ABLIM1: variants seen among roughly 807,000 people sequenced by gnomAD.
The protein encoded by ABLIM1 is actin-binding LIM protein 1.
ABLIM1 carries 40 observed loss-of-function variants against 107.0 expected under a neutral mutation model. The observed-to-expected ratio is 0.37, with a 90% CI of 0.29 to 0.49. The LOEUF (loss-of-function observed/expected upper bound fraction) is 0.49, where lower values mean the gene tolerates loss of function less well. Ranked by LOEUF, ABLIM1 falls within the 20% of genes least tolerant of loss-of-function variation. ABLIM1 has a pLI of 0.97. For synonymous variants in ABLIM1, 357 were observed against 357.3 expected (o/e 1.00, Z 0.01); for missense variants, 857 against 1,008.5 (o/e 0.85, Z 2.04).
At position 114,718,130 on chromosome 10, in the gene ABLIM1, AAAAG is replaced by A. The variant is rs766961293; in HGVS notation, c.-213+49927_-213+49930del. Among the ~76,000 whole-genome samples the A allele has an allele frequency of 7.6e-4, 94 of 124,418 alleles. 3 individuals carry two copies. Among genetic ancestry groups the A allele is most frequent in the African/African-American group, 1.9e-3 (72 of 38,308 alleles). The allele number at this position is 124,418 out of a possible 152,430, so 81.6% of individuals were successfully genotyped here. ...GAAAAAGAAAGAAAGAAAAAGAAAG[AAAAG>A]AAAGAAAGAAAGAGAAAAAAAGAAA... On this transcript the variant is annotated intron_variant, in intron 1 of 15. Coordinates refer to the ABLIM1 transcript ENST00000651092.
At position 114,447,950 on chromosome 10, in the gene ABLIM1, T is replaced by G; in HGVS notation, c.1665A>C (p.Ala555=). The change falls in exon 15 of 23, where the codon GCA becomes GCC. Residue 555 remains alanine (A), a synonymous_variant. Coordinates refer to ENST00000533213, the MANE Select transcript of ABLIM1 (RefSeq NM_002313.7). The part of the protein sequence containing the change: ...IKFSKFPAAQ[A]PDPSETPKIE... ...TCTTTGGTGTCTCGCTGGGGTCTGGTGCCTGGGCTGCTGGGAACTTGGAAA... is the reference window on the plus strand; with the variant it reads ...TCTTTGGTGTCTCGCTGGGGTCTGGGGCCTGGGCTGCTGGGAACTTGGAAA... 1 of 1,614,128 alleles carries G rather than the reference T, an allele frequency of 6.2e-7. No individual in the cohort carries two copies.
At chr10:114,732,624 G>A (rs1201414040) in intron 1 of ABLIM1, among the ~76,000 whole-genome samples, 12 of 151,856 alleles carry the variant, frequency 7.9e-5, no homozygotes, top group Admixed American at 5.2e-4. Context: ...CTAAGAAATC[G>A]TTGCCTAGTC....
chr10:114,743,832 T>C (rs1427871947), intron 1 of ABLIM1, among the ~76,000 whole-genome samples: 3 of 151,964 alleles, frequency 2.0e-5, no homozygotes, highest in African/African-American at 7.3e-5. Flanking sequence ...ATGAACAAGG[T>C]CTAACCTTCA....
At chr10:114,491,547 T>C (rs527615871) in intron 7 of ABLIM1, among the ~76,000 whole-genome samples, 1 of 152,316 alleles carries the variant, frequency 6.6e-6, no homozygotes, top group East Asian at 1.9e-4. Context: ...TCGAGTTCCA[T>C]TCATTTGATT....
intron 3 of ABLIM1, among the ~76,000 whole-genome samples, chr10:114,573,910 G>A (rs1245503798): frequency 6.6e-6 from 1 of 152,028 alleles, no homozygotes; most frequent in African/African-American, 2.4e-5. Context: ...GGAAAAATCA[G>A]GGCAGAACTT....
chr10:114,744,395 C>A (rs762995768), intron 1 of ABLIM1, among the ~76,000 whole-genome samples: 31 of 152,092 alleles, frequency 2.0e-4, no homozygotes, highest in African/African-American at 6.8e-4. Context: ...CTGATACGAC[C>A]GGAAAAATGC....
rs150073456 is a variant in ABLIM1 at position 114,547,063 on chromosome 10, T to C, written c.800+587A>G. Among the ~76,000 whole-genome samples the C allele has an allele frequency of 3.7e-3, 562 of 152,112 alleles. 3 individuals carry two copies. Among genetic ancestry groups the C allele is most frequent in the African/African-American group, 0.013 (532 of 41,476 alleles). ...CACCTTGGCCTCCCAAGTGTTGAGA[T>C]TACAGGTGTGAGCCACCACGCCCAG... On this transcript the variant is annotated intron_variant, in intron 5 of 22. Transcript: ENST00000533213.
intron 4 of ABLIM1, among the ~76,000 whole-genome samples, chr10:114,553,666 G>A (rs1212197869): frequency 6.6e-6 from 1 of 152,190 alleles, no homozygotes; most frequent in East Asian, 1.9e-4. Flanking sequence ...TTTACTAAGT[G>A]GGGAAACTCA....
chr10:114,664,735 G>T (rs1056008022), intron 1 of ABLIM1, among the ~76,000 whole-genome samples: 1 of 150,864 alleles, frequency 6.6e-6, no homozygotes, highest in African/African-American at 2.4e-5. Flanking sequence ...GTAGAGATGG[G>T]GTTTCACCAT....
Position 114,744,603 on chromosome 10 carries a change from G to A in ABLIM1, c.-213+23458C>T, listed in dbSNP as rs149368736. Among the ~76,000 whole-genome samples, 584 of 152,278 alleles carry A rather than the reference G, an allele frequency of 3.8e-3. 6 individuals are homozygous for A. Among genetic ancestry groups the A allele is most frequent in the African/African-American group, 0.013 (550 of 41,552 alleles). On this transcript the variant is annotated intron_variant, in intron 1 of 15. Transcript: ENST00000651092. ...TGAGGCTGCAGTGAACCATGTTCAT[G>A]CCACTGCACTCCAGCCTGGATGAGA...
chr10:114,478,550 G>A (rs1405037863), intron 8 of ABLIM1, among the ~76,000 whole-genome samples: 4 of 152,158 alleles, frequency 2.6e-5, no homozygotes, highest in Non-Finnish European at 5.9e-5. Context: ...TTTATAAATG[G>A]TAGTTTTTAC....
intron 1 of ABLIM1, among the ~76,000 whole-genome samples, chr10:114,709,622 C>T (rs808259): frequency 0.69 from 105,317 of 152,038 alleles, 36,503 homozygotes; most frequent in Middle Eastern, 0.72. Context: ...CAATAAACTA[C>T]GCTAGAGGAA....
chr10:114,534,717 C>T (rs924733290), intron 6 of ABLIM1, among the ~76,000 whole-genome samples: 12 of 152,120 alleles, frequency 7.9e-5, no homozygotes, highest in East Asian at 3.9e-4. Flanking sequence ...CTTGACCTGC[C>T]GGGTCAGTTA....
chr10:114,787,706 G>GGGGGC, the ABLIM1 span, among the ~76,000 whole-genome samples: 1 of 42,614 alleles, frequency 2.3e-5, no homozygotes, highest in Non-Finnish European at 6.6e-5. Context: ...GGAGGGAGGT[G>GGGGGC]GGGGGGTCAG....
At chr10:114,497,144 TA>T (rs2059769621) in intron 6 of ABLIM1, among the ~76,000 whole-genome samples, 2 of 152,326 alleles carry the variant, frequency 1.3e-5, no homozygotes, top group African/African-American at 4.8e-5. Context: ...AAACAGATAA[TA>T]AGCTTGCAAT....
At chr10:114,735,543 C>G (rs2082161694) in intron 1 of ABLIM1, among the ~76,000 whole-genome samples, 1 of 152,188 alleles carries the variant, frequency 6.6e-6, no homozygotes, top group African/African-American at 2.4e-5. Context: ...GATCTCGGCT[C>G]ACTGCAACCT....
intron 5 of ABLIM1, among the ~76,000 whole-genome samples, chr10:114,545,706 A>G (rs904006392): frequency 6.6e-6 from 1 of 151,934 alleles, no homozygotes; most frequent in Admixed American, 6.6e-5. Context: ...GGGTGGATCA[A>G]CTGAGGTCAG....
chr10:114,653,349 C>G (rs1193931436), intron 1 of ABLIM1, among the ~76,000 whole-genome samples: 1 of 151,572 alleles, frequency 6.6e-6, no homozygotes, highest in Admixed American at 6.6e-5. Context: ...TTAAACCAGC[C>G]TGGGCAACAA....
At chr10:114,557,097 G>A (rs1038362378) in intron 4 of ABLIM1, among the ~76,000 whole-genome samples, 3 of 152,142 alleles carry the variant, frequency 2.0e-5, no homozygotes, top group Admixed American at 1.3e-4. Context: ...CCCACTCTGG[G>A]GAAAAGGGGG....
Sources: allele counts gnomAD v4.1 joint callset (sites outside exome capture counted in the v4.1 genomes callset), GRCh38; gene constraint gnomAD v4.1.1; transcripts MANE v1.5; gene names NCBI Gene and HGNC (gene_info 2026-07-23, HGNC 2026-07-21).